Variants in TECPR2 observed in about 807,000 individuals in gnomAD.
TECPR2 encodes tectonin beta-propeller repeat-containing protein 2.
Under a neutral mutation model 138.1 loss-of-function variants are expected in TECPR2, and 65 were observed. The ratio of observed to expected loss-of-function variants is 0.47; its 90% confidence interval spans 0.39 to 0.58. The LOEUF is 0.58. TECPR2 is among the 20% of genes least tolerant of loss of function. The pLI is 0.00. For missense variants in TECPR2, 1,553 were observed against 1,824.5 expected (o/e 0.85, Z 2.71); for synonymous variants, 746 against 749.8 (o/e 0.99, Z 0.08).
intron 2 of TECPR2, among the ~76,000 whole-genome samples, chr14:102,392,942 A>G (rs1323869779): frequency 6.6e-6 from 1 of 152,192 alleles, no homozygotes; most frequent in Non-Finnish European, 1.5e-5. Context: ...CGTTCCAATC[A>G]ATGCTTGAGA....
Position 102,425,189 on chromosome 14 carries a change from C to T in TECPR2, c.849C>T (p.Ser283=), listed in dbSNP as rs758225483. 6.2e-7 allele frequency: 1 copy of T among 1,614,178 alleles called. No homozygotes were observed. Among genetic ancestry groups the T allele is most frequent in the Non-Finnish European group, 8.5e-7 (1 of 1,180,034 alleles). The part of the protein sequence containing the change: ...RLESPNSGSC[S]LPERHLGLVS... Reference sequence around the variant, plus strand: ...AATCCCCCAACAGTGGAAGTTGCAGCTTACCTGAGAGGCACCTGGGGCTTG... The same window carrying T: ...AATCCCCCAACAGTGGAAGTTGCAGTTTACCTGAGAGGCACCTGGGGCTTG... Residue 283 remains serine (S), a synonymous_variant, in exon 6 of 20, where the codon AGC becomes AGT. Coordinates refer to ENST00000359520, the MANE Select transcript of TECPR2 (RefSeq NM_014844.5).
chr14:102,497,595 G>A lies in TECPR2; in HGVS notation c.3957G>A (p.Leu1319=), dbSNP rs768747956. The A allele has an allele frequency of 6.2e-6, 10 of 1,604,710 alleles. No homozygotes were observed. The highest frequency in any genetic ancestry group is 1.7e-5 in the Admixed American group (1 of 59,522). The part of the protein sequence containing the change: ...VPGLQACQLA[L]STRTVWARCP... ...GGTTGCAGGCCTGCCAGCTGGCGCT[G>A]AGCACCAGGACCGTGTGGGCCCGCT... is the stretch of plus-strand genomic sequence containing the variant. The change falls in exon 19 of 20, where the codon CTG becomes CTA. Residue 1319 remains leucine, a synonymous_variant. Transcript: ENST00000359520.
chr14:102,498,441 C>G lies in TECPR2; in HGVS notation c.*184C>G. 2 of 790,074 alleles carry G rather than the reference C, an allele frequency of 2.5e-6. No individual in the cohort carries two copies. Among genetic ancestry groups the G allele is most frequent in the Non-Finnish European group, 3.9e-6 (2 of 511,438 alleles). The allele number at this position is 790,074 out of a possible 1,614,324, so 48.9% of individuals were successfully genotyped here. On this transcript the variant is annotated 3_prime_UTR_variant, in exon 20 of 20. Coordinates refer to ENST00000359520, the MANE Select transcript of TECPR2 (RefSeq NM_014844.5). Reference sequence around the variant, plus strand: ...TCGTTCCAGAACCCACAGCCTCCACCCGTGGCTGGCGTGATTGCTGCAGCA... The same window carrying G: ...TCGTTCCAGAACCCACAGCCTCCACGCGTGGCTGGCGTGATTGCTGCAGCA...
At chr14:102,465,323 C>A in intron 17 of TECPR2, 34 bp downstream of exon 17, 1 of 1,608,190 alleles carries the variant, frequency 6.2e-7, no homozygotes, top group East Asian at 2.2e-5. Flanking sequence ...ACTCACTCTT[C>A]AGTAAGACAG....
chr14:102,471,777 T>C (rs562603538), intron 17 of TECPR2, among the ~76,000 whole-genome samples: 47 of 152,310 alleles, frequency 3.1e-4, no homozygotes, highest in African/African-American at 9.9e-4. Context: ...TAAAGGTTTG[T>C]CAATTTTGTT....
chr14:102,431,299 G>T (rs8006252), intron 7 of TECPR2, among the ~76,000 whole-genome samples: 1 of 147,278 alleles, frequency 6.8e-6, no homozygotes, highest in Middle Eastern at 3.5e-3. Context: ...AACAAAAACT[G>T]TTTCTTAGAG....
intron 5 of TECPR2, among the ~76,000 whole-genome samples, chr14:102,417,167 C>A (rs1889047986): frequency 6.6e-6 from 1 of 152,172 alleles, no homozygotes; most frequent in South Asian, 2.1e-4. Context: ...ATAAATGTGT[C>A]CCCTTCTCAG....
At chr14:102,426,129 G>A (rs1218935954) in intron 6 of TECPR2, among the ~76,000 whole-genome samples, 8 of 151,904 alleles carry the variant, frequency 5.3e-5, no homozygotes, top group Non-Finnish European at 7.4e-5. Context: ...CAGGTGATCC[G>A]CCAGCCTCGG....
intron 2 of TECPR2, among the ~76,000 whole-genome samples, chr14:102,387,529 CTT>C (rs1368242295): frequency 1.1e-4 from 15 of 141,470 alleles, no homozygotes; most frequent in Admixed American, 1.4e-4. Context: ...TCAGAGCTGT[CTT>C]TTTTTTTTTT....
rs145452704 is a variant in TECPR2, at chr14:102,443,741, G to A, written c.2847G>A (p.Ala949=). 6.6e-5 allele frequency: 106 copies of A among 1,612,602 alleles called. No individual in the cohort carries two copies. The African/African-American group carries it at 1.0e-3, about 15-fold the overall frequency. ...CAGCCCGGAACAATGTGGTGTGGGC[G>A]CTGACAGAGCAGAGGGCCCTCCTGT... The part of the protein sequence containing the change: ...QITARNNVVW[A]LTEQRALLYR... Residue 949 remains alanine, a synonymous_variant, in exon 12 of 20, where the codon GCG becomes GCA. Coordinates refer to ENST00000359520, the MANE Select transcript of TECPR2 (RefSeq NM_014844.5). This position sits in a 1 kb window ranked among gnomAD's most constrained non-coding sequence, Gnocchi z 4.9.
intron 6 of TECPR2, among the ~76,000 whole-genome samples, chr14:102,427,098 T>TG (rs1287600933): frequency 1.3e-5 from 2 of 150,664 alleles, no homozygotes; most frequent in African/African-American, 4.9e-5. Context: ...TAAAATGGGG[T>TG]GGGGGTGGAA....
intron 17 of TECPR2, among the ~76,000 whole-genome samples, chr14:102,481,980 T>G (rs1363116549): frequency 6.6e-6 from 1 of 152,130 alleles, no homozygotes; most frequent in Non-Finnish European, 1.5e-5. Flanking sequence ...GAATCACACC[T>G]GCAGTTCCTT....
intron 2 of TECPR2, among the ~76,000 whole-genome samples, chr14:102,401,134 A>G (rs907677978): frequency 6.6e-6 from 1 of 152,076 alleles, no homozygotes; most frequent in Non-Finnish European, 1.5e-5. Context: ...AAGATTGTCA[A>G]AATGGTTTTT....
In TECPR2 at chr14:102,496,999, C is replaced by G; in HGVS notation, c.3810C>G (p.Val1270=). 6.2e-7 allele frequency: 1 copy of G among 1,613,980 alleles called. No homozygotes were observed. The highest frequency in any genetic ancestry group is 1.3e-5 in the African/African-American group (1 of 75,044). The change falls in exon 18 of 20, where the codon GTC becomes GTG. Residue 1270 remains valine (V), a synonymous_variant. Coordinates refer to ENST00000359520, the MANE Select transcript of TECPR2 (RefSeq NM_014844.5). ...PPVQPAGVSL[V]SVHSSPNDQM... ...TCCAGCCCGCCGGGGTCAGCTTGGTCAGCGTCCATTCCAGCCCCAACGACC... is the reference window on the plus strand; with the variant it reads ...TCCAGCCCGCCGGGGTCAGCTTGGTGAGCGTCCATTCCAGCCCCAACGACC...
intron 16 of TECPR2, among the ~76,000 whole-genome samples, chr14:102,456,917 T>C (rs1378976961): frequency 6.6e-6 from 1 of 151,734 alleles, no homozygotes; most frequent in South Asian, 2.1e-4. Context: ...TGAGACTCAA[T>C]CTCACTGAAG....
chr14:102,434,532 A>T lies in TECPR2; in HGVS notation c.1715A>T (p.His572Leu), dbSNP rs148716168. Residue 572 changes from histidine to leucine, a missense_variant, in exon 9 of 20, where the codon CAC becomes CTC. By Grantham distance (99) the His-to-Leu change is moderately conservative. Coordinates refer to ENST00000359520, the MANE Select transcript of TECPR2 (RefSeq NM_014844.5). ...EEDDIRTEMP[H>L]CHHAHGRELL... ...GATGACATTAGAACTGAAATGCCAC[A>T]CTGTCACCATGCACATGGGCGGGAG... The T allele has an allele frequency of 1.3e-5, 20 of 1,555,582 alleles. No homozygotes were observed. Among genetic ancestry groups the T allele is most frequent in the Non-Finnish European group, 1.5e-5 (17 of 1,149,842 alleles).
intron 7 of TECPR2, 31 bp from the exon 8 acceptor site, chr14:102,431,765 C>T (rs781453136): frequency 6.6e-7 from 1 of 1,517,604 alleles, no homozygotes; most frequent in Non-Finnish European, 8.9e-7. Flanking sequence ...TCTTGGATCA[C>T]CAGTGGTAAA....
At chr14:102,452,039 A>G (rs994865571) in intron 15 of TECPR2, among the ~76,000 whole-genome samples, 21 of 152,198 alleles carry the variant, frequency 1.4e-4, no homozygotes, top group Admixed American at 1.2e-3. Flanking sequence ...AACTTTCTAC[A>G]TTAAAAATGC....
At chr14:102,370,076 CTT>C (rs1021059658) in intron 1 of TECPR2, among the ~76,000 whole-genome samples, 2 of 146,914 alleles carry the variant, frequency 1.4e-5, no homozygotes, top group South Asian at 2.2e-4. Context: ...TGAGGAATAA[CTT>C]TTTTTTTTTT....
Sources: gnomAD v4.1 joint callset for allele counts (sites outside exome capture counted in the v4.1 genomes callset) on GRCh38, gnomAD v4.1.1 for gene constraint, Gnocchi (gnomAD v3.1) non-coding constraint, MANE v1.5 for transcripts, NCBI Gene and HGNC (gene_info 2026-07-23, HGNC 2026-07-21) for gene names.